The following EFCAB5 variants were observed in gnomAD, a reference collection of about 807,000 sequenced individuals.
EFCAB5 encodes EF-hand calcium binding domain 5.
In EFCAB5, 131 loss-of-function variants were observed where a neutral mutation model predicts 167.9. The ratio of observed to expected loss-of-function variants is 0.78; its 90% confidence interval spans 0.68 to 0.90. EFCAB5 has a LOEUF of 0.90. Ranked by LOEUF, EFCAB5 falls within the 40% of genes least tolerant of loss-of-function variation. EFCAB5 has a pLI of 0.00. For missense variants in EFCAB5, 1,663 were observed against 1,745.2 expected, an observed-to-expected ratio of 0.95 and a Z score of 0.84; for synonymous variants, 574 against 602.8, an observed-to-expected ratio of 0.95 and a Z score of 0.70.
rs1349419467 is a variant in EFCAB5, at chr17:29,968,862, A to G, written c.262A>G (p.Asn88Asp). ...IKDSKTEASGNIAIRKSAKVI... is the reference protein window; with the variant it reads ...IKDSKTEASGDIAIRKSAKVI... The stretch of plus-strand genomic sequence containing the variant: ...GGACTCTAAAACTGAAGCCTCAGGT[A>G]ATATTGCAATTAGAAAATCTGCAAA... The change falls in exon 4 of 23, where the codon AAT becomes GAT. Residue 88 changes from asparagine (N) to aspartate (D), a missense_variant. By Grantham distance (23) the Asn-to-Asp change is conservative. Coordinates refer to ENST00000394835, the MANE Select transcript of EFCAB5 (RefSeq NM_198529.4). The G allele has an allele frequency of 1.3e-6, 2 of 1,559,430 alleles. No individual in the cohort carries two copies. The highest frequency in any genetic ancestry group is 1.7e-6 in the Non-Finnish European group (2 of 1,151,232).
At chr17:30,029,434 A>C (rs2069419133) in intron 7 of EFCAB5, among the ~76,000 whole-genome samples, 1 of 152,192 alleles carries the variant, frequency 6.6e-6, no homozygotes, top group Admixed American at 6.5e-5. Context: ...GAAAGTGAAA[A>C]ACAGAATTGT....
chr17:30,011,442 G>T (rs914459124), intron 7 of EFCAB5, among the ~76,000 whole-genome samples: 23 of 152,264 alleles, frequency 1.5e-4, no homozygotes, highest in Non-Finnish European at 2.6e-4. Context: ...CATGAGCATG[G>T]AATGTTCTTC....
At chr17:30,007,859 C>T (rs1051789083) in intron 7 of EFCAB5, among the ~76,000 whole-genome samples, 4 of 152,022 alleles carry the variant, frequency 2.6e-5, no homozygotes, top group African/African-American at 2.4e-5. Context: ...TGGTGGCTCA[C>T]GCCTGTAATC....
chr17:29,970,237 A>C (rs1044424093), intron 4 of EFCAB5, among the ~76,000 whole-genome samples: 1 of 152,136 alleles, frequency 6.6e-6, no homozygotes, highest in African/African-American at 2.4e-5. Flanking sequence ...TAATAAATTC[A>C]TATATATTTT....
intron 16 of EFCAB5, 50 bp downstream of exon 16, chr17:30,080,291 CCTTT>C (rs759532297): frequency 7.4e-6 from 11 of 1,478,688 alleles, no homozygotes; most frequent in African/African-American, 1.4e-5. Context: ...AAAATAATTC[CCTTT>C]CTGAGTAAAC....
chr17:29,939,049 A>G (rs1215608493), upstream of EFCAB5, among the ~76,000 whole-genome samples: 2 of 152,156 alleles, frequency 1.3e-5, no homozygotes, highest in African/African-American at 4.8e-5. Context: ...TATGAAATGT[A>G]TTTCTTAAGC....
chr17:29,982,390 C>CAA (rs565836607), intron 4 of EFCAB5, among the ~76,000 whole-genome samples: 1 of 144,322 alleles, frequency 6.9e-6, no homozygotes, highest in Non-Finnish European at 1.5e-5. Flanking sequence ...AAGACTGTCT[C>CAA]AAAAAAAAAA....
chr17:30,004,401 C>A (rs1211866130), intron 7 of EFCAB5, among the ~76,000 whole-genome samples: 4 of 152,220 alleles, frequency 2.6e-5, no homozygotes, highest in Admixed American at 6.5e-5. Flanking sequence ...GAGGCAGGGG[C>A]AAGGTGCCTT....
At chr17:30,079,294 G>A (rs1390654807) in intron 15 of EFCAB5, among the ~76,000 whole-genome samples, 1 of 152,126 alleles carries the variant, frequency 6.6e-6, no homozygotes, top group Non-Finnish European at 1.5e-5. Flanking sequence ...GGTATCCTAA[G>A]AGAAATCTCG....
chr17:29,962,844 A>T (rs1430501041), intron 3 of EFCAB5, among the ~76,000 whole-genome samples: 1 of 151,994 alleles, frequency 6.6e-6, no homozygotes, highest in East Asian at 1.9e-4. Context: ...ATGATGTTGA[A>T]CAGCAGTGGT....
Position 30,053,460 on chromosome 17 carries a change from A to G in EFCAB5, c.1506A>G (p.Ser502=). The change falls in exon 10 of 23, where the codon TCA becomes TCG. Residue 502 remains serine (S), a synonymous_variant. Transcript: ENST00000394835. The part of the protein sequence containing the change: ...KLNEQRTSTP[S]PNPPEQQRGV... ...ACGAACAGAGAACATCAACACCATC[A>G]CCAAACCCGCCAGAACAGCAGAGAG... 6.2e-7 allele frequency: 1 copy of G among 1,613,972 alleles called. No homozygotes were observed. Among genetic ancestry groups the G allele is most frequent in the East Asian group, 2.2e-5 (1 of 44,888 alleles).
intron 7 of EFCAB5, among the ~76,000 whole-genome samples, chr17:30,001,305 C>A (rs1451618194): frequency 2.0e-5 from 3 of 152,164 alleles, no homozygotes; most frequent in Non-Finnish European, 4.4e-5. Context: ...GAAAAATACA[C>A]AGAGGAACAA....
chr17:29,944,609 TG>T (rs1278680005), intron 3 of EFCAB5, among the ~76,000 whole-genome samples: 21 of 151,244 alleles, frequency 1.4e-4, no homozygotes, highest in Non-Finnish European at 1.5e-4. Flanking sequence ...GTTTTTTTGT[TG>T]TTTTCTGTTT....
intron 17 of EFCAB5, 27 bp downstream of exon 17, chr17:30,081,008 A>ACTCCTGCCC: frequency 1.3e-6 from 2 of 1,554,252 alleles, no homozygotes; most frequent in Non-Finnish European, 1.8e-6. Flanking sequence ...TTCAAGAGCG[A>ACTCCTGCCC]TGGTAGGATG....
chr17:29,992,020 A>AT (rs1010512829), intron 4 of EFCAB5, among the ~76,000 whole-genome samples: 31 of 152,258 alleles, frequency 2.0e-4, no homozygotes, highest in African/African-American at 7.0e-4. Flanking sequence ...AATACATATC[A>AT]TTTTTTTGTG....
intron 14 of EFCAB5, among the ~76,000 whole-genome samples, chr17:30,064,500 G>A (rs562523870): frequency 6.6e-6 from 1 of 152,138 alleles, no homozygotes; most frequent in South Asian, 2.1e-4. Flanking sequence ...GAATGAAAAA[G>A]AGTGAAGAAA....
intron 3 of EFCAB5, among the ~76,000 whole-genome samples, chr17:29,947,350 T>C (rs2067423399): frequency 1.3e-5 from 2 of 152,026 alleles, no homozygotes; most frequent in Admixed American, 6.6e-5. Flanking sequence ...CACTTAGAAG[T>C]GGGAGCTAAG....
intron 3 of EFCAB5, 23 bp from the exon 4 acceptor site, chr17:29,968,768 A>G: frequency 9.7e-6 from 14 of 1,444,384 alleles, no homozygotes; most frequent in South Asian, 1.5e-5. Flanking sequence ...CATTTCTTAC[A>G]TTTCACTTTT....
At chr17:29,962,317 G>C (rs1416868954) in intron 3 of EFCAB5, among the ~76,000 whole-genome samples, 1 of 152,058 alleles carries the variant, frequency 6.6e-6, no homozygotes, top group Non-Finnish European at 1.5e-5. Flanking sequence ...TCTATGAATA[G>C]GGACATCTTT....
Sources: gnomAD v4.1 joint callset for allele counts (sites outside exome capture counted in the v4.1 genomes callset) on GRCh38, gnomAD v4.1.1 for gene constraint, MANE v1.5 for transcripts, NCBI Gene and HGNC (gene_info 2026-07-23, HGNC 2026-07-21) for gene names.